TTC27: variants seen among roughly 807,000 people sequenced by gnomAD.
The protein encoded by TTC27 is tetratricopeptide repeat protein 27.
In TTC27, 79 loss-of-function variants were observed where a neutral mutation model predicts 115.9. That is an observed-to-expected ratio of 0.68 (90% CI 0.57 to 0.82). The LOEUF is 0.82. Ranked by LOEUF, TTC27 falls within the 40% of genes least tolerant of loss-of-function variation. The probability of loss-of-function intolerance (pLI) is 0.00; values close to 1 mark genes in which losing one functional copy is unlikely to be tolerated. For missense variants in TTC27, 1,054 were observed against 993.1 expected (o/e 1.06, Z -0.82); for synonymous variants, 401 against 356.0 (o/e 1.13, Z -1.42).
chr2:32,633,797 A>C (rs1436981330), intron 2 of TTC27, 79 bp from the exon 3 acceptor site: 1 of 1,455,014 alleles, frequency 6.9e-7, no homozygotes, highest in Non-Finnish European at 9.4e-7. Flanking sequence ...TTCTTAATAA[A>C]ACTGAAATGG....
rs1668364468 is a variant in TTC27, at chr2:32,733,680, G to GAGAAAAA, written c.1234-146_1234-140dup. ...GTTTTTTGAACATTTAAAGAAATTC[G>GAGAAAAA]AGAAAAAATTCACACATCCTATCAC... On this transcript the variant is annotated intron_variant, in intron 10 of 19. Coordinates refer to ENST00000317907, the MANE Select transcript of TTC27 (RefSeq NM_017735.5). The GAGAAAAA allele has an allele frequency of 1.4e-5, 6 of 429,310 alleles. No individual in the cohort carries two copies. The East Asian group carries it at 2.2e-4, about 16-fold the overall frequency. 26.6% of individuals were successfully genotyped at this position (429,310 alleles called of 1,614,324 possible).
chr2:32,788,579 T>A (rs1282446096), intron 16 of TTC27, among the ~76,000 whole-genome samples: 1 of 152,216 alleles, frequency 6.6e-6, no homozygotes, highest in Non-Finnish European at 1.5e-5. Context: ...TGTGCCTCCA[T>A]TTTCTAACTA....
At chr2:32,677,742 C>T (rs577799932) in intron 8 of TTC27, among the ~76,000 whole-genome samples, 68 of 152,252 alleles carry the variant, frequency 4.5e-4, no homozygotes, top group African/African-American at 1.4e-3. Context: ...CATGAGCCAC[C>T]GTGCCCGGCC....
intron 12 of TTC27, among the ~76,000 whole-genome samples, chr2:32,747,485 T>C (rs1358715515): frequency 6.6e-6 from 1 of 152,234 alleles, no homozygotes; most frequent in Non-Finnish European, 1.5e-5. Context: ...CTGTATCTTA[T>C]ACAGTTTAAA....
intron 13 of TTC27, among the ~76,000 whole-genome samples, chr2:32,760,097 A>G (rs905959728): frequency 3.9e-5 from 6 of 152,284 alleles, no homozygotes; most frequent in Middle Eastern, 6.8e-3. Flanking sequence ...TAACTGAGGG[A>G]ATGCGTTTTA....
intron 6 of TTC27, among the ~76,000 whole-genome samples, chr2:32,666,417 T>C (rs1316996341): frequency 1.3e-5 from 2 of 151,808 alleles, no homozygotes; most frequent in Non-Finnish European, 2.9e-5. Context: ...ATGTGGACTG[T>C]AGTGGCAGAA....
At chr2:32,683,619 A>G (rs763283326) in intron 9 of TTC27, among the ~76,000 whole-genome samples, 2 of 152,290 alleles carry the variant, frequency 1.3e-5, no homozygotes, top group African/African-American at 2.4e-5. Flanking sequence ...ATGTGATGCT[A>G]TTTCTGAGAT....
intron 16 of TTC27, among the ~76,000 whole-genome samples, chr2:32,806,576 C>T (rs988021899): frequency 4.6e-5 from 7 of 151,956 alleles, no homozygotes; most frequent in East Asian, 3.9e-4. Flanking sequence ...GTCAGGAGAT[C>T]GAGACCATCC....
In TTC27 at chr2:32,682,844, GTTGTTTT is replaced by G. The variant is rs1272638451; in HGVS notation, c.1119+3925_1119+3931del. On this transcript the variant is annotated intron_variant, in intron 9 of 19. Transcript: ENST00000317907. ...CCACCACACCCGGATAATTTTTATT[GTTGTTTT>G]TTTTTTTTTTTTTTTTTTTGAGACA... Among the ~76,000 whole-genome samples the G allele has an allele frequency of 7.5e-4, 43 of 56,982 alleles. 2 individuals are homozygous for G. The highest frequency in any genetic ancestry group is 2.7e-3 in the African/African-American group (36 of 13,302). The allele number at this position is 56,982 out of a possible 152,430, so 37.4% of individuals were successfully genotyped here.
At chr2:32,670,075 A>G (rs2151883089) in intron 7 of TTC27, among the ~76,000 whole-genome samples, 1 of 151,900 alleles carries the variant, frequency 6.6e-6, no homozygotes, top group Admixed American at 6.6e-5. Flanking sequence ...ACGAGGCTTC[A>G]CCATGCTGGC....
chr2:32,788,159 G>C (rs1282733599), intron 16 of TTC27, among the ~76,000 whole-genome samples: 1 of 152,022 alleles, frequency 6.6e-6, no homozygotes, highest in Non-Finnish European at 1.5e-5. Flanking sequence ...AAATCTCAAG[G>C]AGAATGTAAA....
At chr2:32,678,820 C>T (rs778086940) in intron 8 of TTC27, 36 bp from the exon 9 acceptor site, 15 of 1,496,220 alleles carry the variant, frequency 1.0e-5, no homozygotes, top group Non-Finnish European at 1.4e-5. Flanking sequence ...CAACATGCAT[C>T]TTATAATTAA....
At chr2:32,820,713 G>C (rs1258107267) in intron 19 of TTC27, 103 bp from the exon 20 acceptor site, 29 of 1,071,938 alleles carry the variant, frequency 2.7e-5, no homozygotes, top group Non-Finnish European at 3.3e-5. Flanking sequence ...TAATTGTATA[G>C]TATTATTATG....
intron 5 of TTC27, 120 bp from the exon 6 acceptor site, chr2:32,664,182 TA>T: frequency 1.2e-6 from 1 of 867,670 alleles, no homozygotes; most frequent in East Asian, 2.8e-5. Context: ...GTCTTATGTT[TA>T]AAATTATTTA....
intron 1 of TTC27, among the ~76,000 whole-genome samples, chr2:32,630,015 G>A (rs193261551): frequency 5.1e-4 from 78 of 152,218 alleles, no homozygotes; most frequent in African/African-American, 1.9e-3. Flanking sequence ...GGATTAAAGG[G>A]TAAGACTAAC....
chr2:32,792,918 C>G (rs1337117795), intron 16 of TTC27, among the ~76,000 whole-genome samples: 1 of 152,222 alleles, frequency 6.6e-6, no homozygotes, highest in Non-Finnish European at 1.5e-5. Context: ...GCCTTCAACT[C>G]TCTTCACAGG....
chr2:32,779,968 A>T (rs1670120578), intron 14 of TTC27: 14 of 323,730 alleles, frequency 4.3e-5, no homozygotes, highest in South Asian at 3.6e-4. Flanking sequence ...TAAGTGGTCA[A>T]AAATTAATTG....
At chr2:32,654,821 A>G (rs1246801411) in intron 5 of TTC27, among the ~76,000 whole-genome samples, 1 of 150,394 alleles carries the variant, frequency 6.6e-6, no homozygotes, top group African/African-American at 2.5e-5. Context: ...TCAGCCTCCC[A>G]AGTAGCTGAG....
intron 12 of TTC27, among the ~76,000 whole-genome samples, chr2:32,741,398 C>T (rs1668630820): frequency 6.6e-6 from 1 of 151,614 alleles, no homozygotes; most frequent in African/African-American, 2.4e-5. Flanking sequence ...AATCCCAGCA[C>T]ATTGGTAGGC....
Sources: allele counts gnomAD v4.1 joint callset (sites outside exome capture counted in the v4.1 genomes callset), GRCh38; gene constraint gnomAD v4.1.1; transcripts MANE v1.5; gene names NCBI Gene and HGNC (gene_info 2026-07-23, HGNC 2026-07-21).